The following TRMT10B variants were observed in gnomAD, a reference collection of about 807,000 sequenced individuals.
TRMT10B encodes tRNA methyltransferase 10B.
In TRMT10B, 33 loss-of-function variants were observed where a neutral mutation model predicts 43.8. The ratio of observed to expected loss-of-function variants is 0.75; its 90% CI spans 0.57 to 1.01. The LOEUF (loss-of-function observed/expected upper bound fraction) is 1.01, where lower values mean the gene tolerates loss of function less well. Ranked by LOEUF, TRMT10B falls within the 50% of genes least tolerant of loss-of-function variation. TRMT10B has a pLI of 0.00. For synonymous variants in TRMT10B, 137 were observed against 130.6 expected (o/e 1.05, Z -0.34); for missense variants, 362 against 369.8 (o/e 0.98, Z 0.17).
At chr9:37,759,818 AAAAC>A (rs1265184504) in intron 1 of TRMT10B, among the ~76,000 whole-genome samples, 1 of 152,234 alleles carries the variant, frequency 6.6e-6, no homozygotes, top group Admixed American at 6.5e-5. Context: ...CTTCATCTCA[AAAAC>A]AAAAACTTTC....
Position 37,778,011 on chromosome 9 carries a change from A to T in TRMT10B, c.*304A>T, listed in dbSNP as rs759059922. 6.1e-5 allele frequency: 13 copies of T among 212,552 alleles called. No individual in the cohort carries two copies. Among genetic ancestry groups the T allele is most frequent in the East Asian group, 2.5e-4 (2 of 7,984 alleles). 13.2% of individuals were successfully genotyped at this position (212,552 alleles called of 1,614,324 possible). On this transcript the variant is annotated 3_prime_UTR_variant, in exon 9 of 9. Transcript: ENST00000297994. ...CAGAGCAAGACTCCATCTCAAAAAAAAAATAAATAAAAAAAAATGCAGCTG... is the reference window on the plus strand; with the variant it reads ...CAGAGCAAGACTCCATCTCAAAAAATAAATAAATAAAAAAAAATGCAGCTG...
intron 1 of TRMT10B, among the ~76,000 whole-genome samples, chr9:37,759,684 G>A (rs2118728260): frequency 6.6e-6 from 1 of 152,294 alleles, no homozygotes; most frequent in Non-Finnish European, 1.5e-5. Context: ...GGGCATGGTG[G>A]TGCGTGCCTG....
chr9:37,767,936 A>G (rs1468029045), intron 4 of TRMT10B, 140 bp from the exon 5 acceptor site: 3 of 770,186 alleles, frequency 3.9e-6, no homozygotes, highest in African/African-American at 1.7e-5. Flanking sequence ...GCCATAAGGT[A>G]TAATACACGC....
chr9:37,761,226 G>A (rs576912563), intron 1 of TRMT10B, among the ~76,000 whole-genome samples: 2 of 152,264 alleles, frequency 1.3e-5, no homozygotes, highest in Admixed American at 6.5e-5. Flanking sequence ...GAACAATTTT[G>A]AAAATAAACT....
At position 37,762,663 on chromosome 9, in the gene TRMT10B, A is replaced by G. The variant is rs772793044; in HGVS notation, c.273A>G (p.Lys91=). The G allele has an allele frequency of 6.3e-7, 1 of 1,588,720 alleles. No homozygotes were observed. Among genetic ancestry groups the G allele is most frequent in the South Asian group, 1.1e-5 (1 of 87,092 alleles). The change falls in exon 3 of 9, where the codon AAA becomes AAG. Residue 91 remains lysine, a synonymous_variant. Transcript: ENST00000297994. ...SKRKQEKERR[K]ANRAENPGIC... ...GAAAGCAAGAAAAAGAACGAAGAAA[A>G]GCCAATCGTGCAGAAAATCCAGGTG...
At chr9:37,758,415 AAAT>A (rs1337214295) in intron 1 of TRMT10B, among the ~76,000 whole-genome samples, 9 of 152,190 alleles carry the variant, frequency 5.9e-5, no homozygotes, top group East Asian at 1.9e-4. Context: ...CTGTCTGAAA[AAAT>A]AATAGTTTAC....
At chr9:37,769,443 A>T (rs1827322098) in intron 5 of TRMT10B, 1 of 155,174 alleles carries the variant, frequency 6.4e-6, no homozygotes, top group Admixed American at 6.3e-5. Flanking sequence ...CCTCTGTCAG[A>T]ACCCCATATC....
chr9:37,754,410 G>A (rs1042619725), intron 1 of TRMT10B, among the ~76,000 whole-genome samples: 5 of 152,184 alleles, frequency 3.3e-5, no homozygotes, highest in African/African-American at 1.2e-4. Context: ...AATAGACCCC[G>A]GAGTGCAGAG....
intron 1 of TRMT10B, among the ~76,000 whole-genome samples, chr9:37,755,289 T>TTTTTTTA (rs1554674553): frequency 3.1e-4 from 47 of 149,228 alleles, no homozygotes; most frequent in African/African-American, 1.1e-3. Context: ...TTTTTTTTTT[T>TTTTTTTA]AAAGTTAGTT....
chr9:37,764,339 G>A (rs1182945496), intron 4 of TRMT10B, among the ~76,000 whole-genome samples: 1 of 39,702 alleles, frequency 2.5e-5, no homozygotes, highest in Non-Finnish European at 4.9e-5. Flanking sequence ...TTTTTTTTTT[G>A]GAGACAGAGT....
intron 1 of TRMT10B, among the ~76,000 whole-genome samples, chr9:37,756,840 ATGTG>A (rs547557586): frequency 2.0e-5 from 3 of 150,998 alleles, no homozygotes; most frequent in East Asian, 1.9e-4. Flanking sequence ...GTGTGTATGT[ATGTG>A]TGTATATATA....
chr9:37,770,287 T>G (rs1293091073), intron 6 of TRMT10B, among the ~76,000 whole-genome samples: 1 of 152,248 alleles, frequency 6.6e-6, no homozygotes, highest in African/African-American at 2.4e-5. Flanking sequence ...GTCCTTGGTC[T>G]GCTACCCCAC....
chr9:37,771,263 A>G (rs576521914), intron 7 of TRMT10B, among the ~76,000 whole-genome samples: 26 of 152,328 alleles, frequency 1.7e-4, no homozygotes, highest in Admixed American at 5.2e-4. Flanking sequence ...TACATAGATA[A>G]TAAGTTTAAT....
Position 37,777,194 on chromosome 9 carries a change from C to CA in TRMT10B, c.845-369dup, listed in dbSNP as rs11306620. ...GAGCAACAAGAGTGCAACTCCGCCTCAAAAAAAAAAAAAAAAAAAAAAAAA... is the reference window on the plus strand; with the variant it reads ...GAGCAACAAGAGTGCAACTCCGCCTCAAAAAAAAAAAAAAAAAAAAAAAAAA... On this transcript the variant is annotated intron_variant, in intron 8 of 8. Transcript: ENST00000297994. Among the ~76,000 whole-genome samples, 160 of 29,984 alleles carry CA rather than the reference C, an allele frequency of 5.3e-3. 17 individuals carry two copies. Among genetic ancestry groups the CA allele is most frequent in the Non-Finnish European group, 6.4e-3 (114 of 17,910 alleles). The allele number at this position is 29,984 out of a possible 152,430, so 19.7% of individuals were successfully genotyped here.
In TRMT10B at chr9:37,762,060, G is replaced by A. The variant is rs532715393; in HGVS notation, c.129G>A (p.Ala43=). The part of the protein sequence containing the change: ...PEGFQLLQID[A]EGECQEGEIL... Reference sequence around the variant, plus strand: ...GCTTCCAGCTTCTGCAGATCGATGCGGAAGGCGAGTGCCAGGAGGGAGAGA... The same window carrying A: ...GCTTCCAGCTTCTGCAGATCGATGCAGAAGGCGAGTGCCAGGAGGGAGAGA... The change falls in exon 2 of 9, where the codon GCG becomes GCA. Residue 43 remains alanine (A), a synonymous_variant. Coordinates refer to ENST00000297994, the MANE Select transcript of TRMT10B (RefSeq NM_144964.4). 29 of 1,614,098 alleles carry A rather than the reference G, an allele frequency of 1.8e-5. 1 individual carries two copies. The highest frequency in any genetic ancestry group is 1.4e-4 in the South Asian group (13 of 91,062).
At chr9:37,776,643 C>T (rs989429712) in intron 8 of TRMT10B, among the ~76,000 whole-genome samples, 16 of 152,170 alleles carry the variant, frequency 1.1e-4, no homozygotes, top group Non-Finnish European at 2.1e-4. Context: ...CACCTGTAAT[C>T]CTGTAATCCA....
At position 37,778,891 on chromosome 9, in the gene TRMT10B, C is replaced by T. The variant is rs1828459246; in HGVS notation, c.*1184C>T. 6.6e-6 allele frequency: 1 copy of T among 152,148 alleles called. No homozygotes were observed. The highest frequency in any genetic ancestry group is 1.5e-5 in the Non-Finnish European group (1 of 68,028). The allele number at this position is 152,148 out of a possible 1,614,324, so 9.4% of individuals were successfully genotyped here. A position where few individuals can be genotyped will look rare whatever the true frequency, so the allele number is the denominator to read the frequency against. ...ATCCTAACAGGACAAATCTGTGTAC[C>T]TATCTTTCTATCCTCCCTGAGCCTG... On this transcript the variant is annotated 3_prime_UTR_variant, in exon 9 of 9. Coordinates refer to ENST00000297994, the MANE Select transcript of TRMT10B (RefSeq NM_144964.4).
chr9:37,753,811 C>G lies in TRMT10B; in HGVS notation c.-71C>G, dbSNP rs945672503. On this transcript the variant is annotated 5_prime_UTR_variant, in exon 1 of 9. It adds an upstream start codon to the 5' untranslated region. Transcript: ENST00000297994. ...AAGCGAGGCCGGGGGCGGGGGGGAT[C>G]CGATGCGCGCCGCTGCCGCTGCGTG... The G allele has an allele frequency of 1.3e-5, 2 of 152,336 alleles. No homozygotes were observed. The highest frequency in any genetic ancestry group is 1.5e-5 in the Non-Finnish European group (1 of 68,180). The allele number at this position is 152,336 out of a possible 1,614,324, so 9.4% of individuals were successfully genotyped here.
chr9:37,762,398 T>C (rs1826446608), intron 2 of TRMT10B, 179 bp from the exon 3 acceptor site: 3 of 996,678 alleles, frequency 3.0e-6, no homozygotes, highest in Non-Finnish European at 4.3e-6. Context: ...CATGTCTCTT[T>C]TTCTGGGGCT....
Sources: allele counts gnomAD v4.1 joint callset (sites outside exome capture counted in the v4.1 genomes callset), GRCh38; gene constraint gnomAD v4.1.1; transcripts MANE v1.5; gene names NCBI Gene and HGNC (gene_info 2026-07-23, HGNC 2026-07-21).